VEGFC: variants seen among roughly 807,000 people sequenced by gnomAD.
VEGFC encodes the protein vascular endothelial growth factor C, also known as FLT4 ligand DHM.
VEGFC carries 12 observed loss-of-function variants against 46.1 expected under a neutral mutation model. The observed-to-expected ratio is 0.26, with a 90% confidence interval of 0.17 to 0.42. The LOEUF is 0.42. Ranked by LOEUF, VEGFC falls within the 10% of genes least tolerant of loss-of-function variation. The pLI, the probability that VEGFC is intolerant of heterozygous loss-of-function variation, is 1.00. For synonymous variants in VEGFC, 232 were observed against 195.5 expected, an observed-to-expected ratio of 1.19 and a Z score of -1.56; for missense variants, 488 against 529.4, an observed-to-expected ratio of 0.92 and a Z score of 0.77.
chr4:176,716,584 GAAAAAAAAAA>G lies in VEGFC; in HGVS notation c.553-4944_553-4935del, dbSNP rs57274087. 1.6e-4 allele frequency among the ~76,000 whole-genome samples: 7 copies of G among 43,766 alleles called. No homozygotes were observed. The South Asian group carries it at 5.6e-3, about 35-fold the overall frequency. 28.7% of individuals were successfully genotyped at this position (43,766 alleles called of 152,430 possible). ...GCCAACAGAGGTGGACTCCCTCTCC[GAAAAAAAAAA>G]AAAAAAAAAAAAGAAAAAGAAAAAA... On this transcript the variant is annotated intron_variant, in intron 3 of 6. Coordinates refer to ENST00000618562, the MANE Select transcript of VEGFC (RefSeq NM_005429.5).
At chr4:176,721,199 A>G (rs1455322300) in intron 3 of VEGFC, among the ~76,000 whole-genome samples, 1 of 152,210 alleles carries the variant, frequency 6.6e-6, no homozygotes, top group Non-Finnish European at 1.5e-5. Context: ...CATCCAGATC[A>G]TTGAGGGCCC....
chr4:176,764,774 A>G (rs1220983670), intron 1 of VEGFC, among the ~76,000 whole-genome samples: 1 of 152,176 alleles, frequency 6.6e-6, no homozygotes, highest in Admixed American at 6.5e-5. Context: ...GATACACTGA[A>G]TCCTCTCTAG....
rs573902091 is a variant in VEGFC, at chr4:176,701,514, G to A, written c.704+9985C>T. ...TAGGAACGCTGTGCTTTCAATTATC[G>A]TATTTTAGAAGGTAGAAACAAGACT... On this transcript the variant is annotated intron_variant, in intron 4 of 6. Coordinates refer to ENST00000618562, the MANE Select transcript of VEGFC (RefSeq NM_005429.5). Among the ~76,000 whole-genome samples, 3 of 152,202 alleles carry A rather than the reference G, an allele frequency of 2.0e-5. No homozygotes were observed. The South Asian group carries it at 6.2e-4, about 32-fold the overall frequency.
At chr4:176,693,096 C>G (rs1334104158) in intron 4 of VEGFC, among the ~76,000 whole-genome samples, 1 of 152,086 alleles carries the variant, frequency 6.6e-6, no homozygotes, top group African/African-American at 2.4e-5. Context: ...AAACACAGTT[C>G]CTTACCAGCA....
chr4:176,748,036 T>A (rs974291623), intron 1 of VEGFC, among the ~76,000 whole-genome samples: 4 of 152,028 alleles, frequency 2.6e-5, no homozygotes, highest in Admixed American at 1.3e-4. Flanking sequence ...CAAGGGCTTT[T>A]AAAATATACC....
chr4:176,705,472 T>G (rs954711897), intron 4 of VEGFC, among the ~76,000 whole-genome samples: 2 of 152,244 alleles, frequency 1.3e-5, no homozygotes, highest in African/African-American at 4.8e-5. Flanking sequence ...AAAGTTTTTC[T>G]GTAAATACTA....
rs193099391 is a variant in VEGFC, at chr4:176,713,223, T to C, written c.553-1573A>G. On this transcript the variant is annotated intron_variant, in intron 3 of 6. Transcript: ENST00000618562. ...TATGTGACCTCAACATATGCCACTATTATGATTTTGACCAGTTTCTTATCT... is the reference window on the plus strand; with the variant it reads ...TATGTGACCTCAACATATGCCACTACTATGATTTTGACCAGTTTCTTATCT... Among the ~76,000 whole-genome samples the C allele has an allele frequency of 1.7e-3, 262 of 152,336 alleles. 1 individual carries two copies. The highest frequency in any genetic ancestry group is 2.7e-3 in the Non-Finnish European group (184 of 68,026).
intron 3 of VEGFC, among the ~76,000 whole-genome samples, chr4:176,726,695 T>C (rs947125690): frequency 1.3e-5 from 2 of 152,226 alleles, no homozygotes; most frequent in African/African-American, 2.4e-5. Context: ...GGAATTGAGA[T>C]AGTAATCTTA....
rs535609537 is a variant in VEGFC, at chr4:176,757,995, T to A, written c.148-28249A>T. On this transcript the variant is annotated intron_variant, in intron 1 of 6. Transcript: ENST00000618562. ...CAGATCCTGAATCTGAAATTTCATA[T>A]TTCATAAATCTGAAATTATGTATTC... Among the ~76,000 whole-genome samples, 7 of 152,228 alleles carry A rather than the reference T, an allele frequency of 4.6e-5. No homozygotes were observed. The East Asian group carries it at 1.2e-3, about 25-fold the overall frequency.
At chr4:176,708,243 G>T (rs978473086) in intron 4 of VEGFC, among the ~76,000 whole-genome samples, 1 of 151,514 alleles carries the variant, frequency 6.6e-6, no homozygotes, top group South Asian at 2.1e-4. Context: ...TATGTAATTT[G>T]ATATATTACA....
At chr4:176,777,149 T>TAA (rs377638543) in intron 1 of VEGFC, among the ~76,000 whole-genome samples, 94 of 150,270 alleles carry the variant, frequency 6.3e-4, no homozygotes, top group African/African-American at 2.2e-3. Flanking sequence ...CCATCTCTAC[T>TAA]AAAAAAAAAT....
chr4:176,737,224 A>G (rs1355462035), intron 1 of VEGFC, among the ~76,000 whole-genome samples: 1 of 148,212 alleles, frequency 6.7e-6, no homozygotes, highest in Non-Finnish European at 1.5e-5. Flanking sequence ...TTTGTTGAAA[A>G]ATATTCTATA....
In VEGFC at chr4:176,709,282, T is replaced by C. The variant is rs145360532; in HGVS notation, c.704+2217A>G. Among the ~76,000 whole-genome samples, 356 of 152,296 alleles carry C rather than the reference T, an allele frequency of 2.3e-3. 3 individuals are homozygous for C. Among genetic ancestry groups the C allele is most frequent in the African/African-American group, 8.2e-3 (340 of 41,550 alleles). On this transcript the variant is annotated intron_variant, in intron 4 of 6. Coordinates refer to ENST00000618562, the MANE Select transcript of VEGFC (RefSeq NM_005429.5). ...CCTTCTAGATGATTTTGTTAAGGGT[T>C]AAATCAGACAATGCAGGTAAAGGGG...
chr4:176,728,153 C>T (rs954360071), intron 2 of VEGFC, among the ~76,000 whole-genome samples, 185 bp from the exon 3 acceptor site: 1 of 152,142 alleles, frequency 6.6e-6, no homozygotes, highest in African/African-American at 2.4e-5. Context: ...ATTGAAAAGA[C>T]AAGCTAAGGA....
chr4:176,719,743 A>G (rs952963258), intron 3 of VEGFC, among the ~76,000 whole-genome samples: 5 of 152,148 alleles, frequency 3.3e-5, no homozygotes, highest in African/African-American at 1.2e-4. Flanking sequence ...GGTGTACCAC[A>G]TGCACTTGTC....
At chr4:176,692,882 A>C (rs144486088) in intron 4 of VEGFC, among the ~76,000 whole-genome samples, 1 of 142,326 alleles carries the variant, frequency 7.0e-6, no homozygotes, top group Non-Finnish European at 1.5e-5. Context: ...CACCTCACAC[A>C]GCAGGGTATT....
intron 1 of VEGFC, among the ~76,000 whole-genome samples, chr4:176,762,995 G>T (rs1157774263): frequency 1.3e-5 from 2 of 152,248 alleles, no homozygotes; most frequent in African/African-American, 4.8e-5. Flanking sequence ...AAGGAAATTT[G>T]CCTGTCTCAA....
intron 4 of VEGFC, among the ~76,000 whole-genome samples, chr4:176,696,828 C>T (rs572070248): frequency 4.6e-5 from 7 of 152,186 alleles, no homozygotes; most frequent in South Asian, 4.2e-4. Context: ...GAAATAACGC[C>T]GCATATCTAC....
chr4:176,748,501 A>T (rs768593264), intron 1 of VEGFC, among the ~76,000 whole-genome samples: 14 of 152,056 alleles, frequency 9.2e-5, no homozygotes, highest in Non-Finnish European at 1.8e-4. Context: ...CGTATACAGC[A>T]TAAATATAGA....
Sources: gnomAD v4.1 joint callset for allele counts (sites outside exome capture counted in the v4.1 genomes callset) on GRCh38, gnomAD v4.1.1 for gene constraint, MANE v1.5 for transcripts, NCBI Gene and HGNC (gene_info 2026-07-23, HGNC 2026-07-21) for gene names.